The following PCLO variants were observed in gnomAD, a reference collection of about 807,000 sequenced individuals.
The protein encoded by PCLO is protein piccolo.
Under a neutral mutation model 427.5 loss-of-function variants are expected in PCLO, and 82 were observed. That is an observed-to-expected ratio of 0.19 (90% CI 0.16 to 0.23). The LOEUF (loss-of-function observed/expected upper bound fraction) is 0.23. Ranked by LOEUF, PCLO falls within the 10% of genes least tolerant of loss-of-function variation. PCLO has a pLI of 1.00. For synonymous variants in PCLO, 2,357 were observed against 2,155.4 expected (o/e 1.09, Z -2.59); for missense variants, 6,239 against 6,115.9 (o/e 1.02, Z -0.67).
chr7:83,073,760 C>G (rs1789876883), intron 3 of PCLO, among the ~76,000 whole-genome samples: 1 of 151,154 alleles, frequency 6.6e-6, no homozygotes, highest in Non-Finnish European at 1.5e-5. Flanking sequence ...AAAACTAAAG[C>G]TATTAAAAAC....
intron 3 of PCLO, among the ~76,000 whole-genome samples, chr7:83,076,607 T>C: frequency 6.7e-6 from 1 of 148,386 alleles, no homozygotes; most frequent in Middle Eastern, 3.2e-3. Flanking sequence ...ATTTGTTTTC[T>C]GTTTAATGTT....
rs1796067101 is a variant in PCLO, at chr7:82,978,239, G to A, written c.3301-11752C>T. On this transcript the variant is annotated intron_variant, in intron 3 of 24. Transcript: ENST00000333891. ...AATGTATACTCTCTTCACCAGGAAAGTTTTAAATTAAAAAAAAATGTTGTA... is the reference window on the plus strand; with the variant it reads ...AATGTATACTCTCTTCACCAGGAAAATTTTAAATTAAAAAAAAATGTTGTA... Among the ~76,000 whole-genome samples the A allele has an allele frequency of 2.0e-5, 3 of 150,098 alleles. No individual in the cohort carries two copies. The Admixed American group carries it at 2.0e-4, about 10-fold the overall frequency.
rs1440979905 is a variant in PCLO at position 82,953,080 on chromosome 7, G to A, written c.7873C>T (p.Pro2625Ser). The A allele has an allele frequency of 1.3e-5, 21 of 1,613,794 alleles. No individual in the cohort carries two copies. In the Admixed American group the frequency reaches 3.3e-4, roughly 26 times the overall value. ...SVEPVFSVVP[P>S]VTAVEIPISS... ...ATTGGAATTTCTACAGCTGTCACAG[G>A]AGGAACTACAGAAAACACAGGTTCA... The change falls in exon 5 of 25, where the codon CCT becomes TCT. Residue 2625 changes from proline to serine, a missense_variant. Pro to Ser is a moderately conservative substitution (Grantham distance 74). Transcript: ENST00000333891.
At chr7:82,913,288 T>C (rs1663320220) in intron 7 of PCLO, among the ~76,000 whole-genome samples, 1 of 151,926 alleles carries the variant, frequency 6.6e-6, no homozygotes, top group African/African-American at 2.4e-5. Context: ...TTTAGTTCAA[T>C]AAAAAAACTA....
In PCLO at chr7:82,915,679, T is replaced by C. The variant is rs375617662; in HGVS notation, c.12307A>G (p.Arg4103Gly). ...TCCGCCTTCACATAACTATGCAATC[T>C]AGAGGAAGACTGTAAAGGTGCTAGG... ...DFLAPLQSSS[R>G]LHSYVKAEED... The change falls in exon 7 of 25, where the codon AGA (arginine) becomes GGA (glycine). Residue 4103 changes from arginine (R) to glycine (G), a missense_variant. This residue lies in a region of PCLO where 680 missense variants were observed against 677.3 expected (regional missense o/e 1.00). Transcript: ENST00000333891. The C allele has an allele frequency of 2.7e-5, 43 of 1,613,124 alleles. No individual in the cohort carries two copies. The highest frequency in any genetic ancestry group is 3.5e-5 in the Non-Finnish European group (41 of 1,179,518).
chr7:83,059,792 G>C (rs1789498550), intron 3 of PCLO, among the ~76,000 whole-genome samples: 1 of 152,092 alleles, frequency 6.6e-6, no homozygotes, highest in Non-Finnish European at 1.5e-5. Flanking sequence ...TTCCCAATTA[G>C]ATGGAAAGTA....
rs1006304986 is a variant in PCLO at position 82,916,205 on chromosome 7, T to C, written c.11781A>G (p.Thr3927=). 1.2e-6 allele frequency: 2 copies of C among 1,613,616 alleles called. No individual in the cohort carries two copies. The highest frequency in any genetic ancestry group is 1.7e-6 in the Non-Finnish European group (2 of 1,179,700). The part of the protein sequence containing the change: ...QQVSPYQTQP[T]FQAVATMSFT... The stretch of plus-strand genomic sequence containing the variant: ...AGGACATTGTTGCCACAGCTTGGAA[T>C]GTTGGCTGAGTCTGATAAGGTGAAA... The change falls in exon 7 of 25, where the codon ACA becomes ACG. Residue 3927 remains threonine, a synonymous_variant. Transcript: ENST00000333891.
rs757475388 is a variant in PCLO, at chr7:82,953,476, T to C, written c.7477A>G (p.Ile2493Val). The change falls in exon 5 of 25, where the codon ATT becomes GTT. Residue 2493 changes from isoleucine (I) to valine (V), a missense_variant. By Grantham distance (29) the Ile-to-Val change is conservative. Transcript: ENST00000333891. ...TGGGTAAATACAAGTCCAGATGGAA[T>C]TGAAGATGGCTTAGGAGGAACAGGA... is the stretch of plus-strand genomic sequence containing the variant. The part of the protein sequence containing the change: ...PPPVPPKPSS[I>V]PSGLVFTHRP... The C allele has an allele frequency of 3.1e-6, 5 of 1,613,474 alleles. No homozygotes were observed. The highest frequency in any genetic ancestry group is 3.4e-6 in the Non-Finnish European group (4 of 1,179,780).
intron 3 of PCLO, among the ~76,000 whole-genome samples, chr7:83,089,635 AT>A (rs1790327961): frequency 5.3e-5 from 8 of 152,128 alleles, no homozygotes; most frequent in Admixed American, 5.2e-4. Flanking sequence ...TCAACATTTA[AT>A]ATGTCCTTCC....
At chr7:83,071,455 A>G (rs1446293115) in intron 3 of PCLO, among the ~76,000 whole-genome samples, 1 of 152,188 alleles carries the variant, frequency 6.6e-6, no homozygotes, top group Non-Finnish European at 1.5e-5. Context: ...CAGTTTGGAA[A>G]GAGATTTGGT....
chr7:83,076,699 T>G (rs1789963482), intron 3 of PCLO, among the ~76,000 whole-genome samples: 2 of 151,216 alleles, frequency 1.3e-5, no homozygotes, highest in South Asian at 4.1e-4. Context: ...TGCATGTTAG[T>G]TACATATTTT....
At chr7:82,930,904 C>G (rs1001509240) in intron 6 of PCLO, among the ~76,000 whole-genome samples, 66 of 151,954 alleles carry the variant, frequency 4.3e-4, no homozygotes, top group African/African-American at 1.5e-3. Context: ...TATGGAACAC[C>G]ATTGAACAGG....
At chr7:82,974,342 C>T (rs1039216029) in intron 3 of PCLO, among the ~76,000 whole-genome samples, 1 of 152,264 alleles carries the variant, frequency 6.6e-6, no homozygotes, top group Non-Finnish European at 1.5e-5. Flanking sequence ...GTTGAGATCA[C>T]GCCACTGTGT....
chr7:83,048,346 AC>A (rs1369742049), intron 3 of PCLO, among the ~76,000 whole-genome samples: 1 of 152,114 alleles, frequency 6.6e-6, no homozygotes, highest in Non-Finnish European at 1.5e-5. Context: ...CATAGTAAAG[AC>A]AGTACTTTGA....
chr7:83,162,141 C>T (rs1452707178), intron 1 of PCLO, among the ~76,000 whole-genome samples: 3 of 152,220 alleles, frequency 2.0e-5, no homozygotes, highest in Non-Finnish European at 1.5e-5. Context: ...TAACCCTTGA[C>T]TATCCCACCA....
intron 3 of PCLO, among the ~76,000 whole-genome samples, chr7:83,068,164 G>A (rs1339514112): frequency 6.6e-6 from 1 of 152,058 alleles, no homozygotes; most frequent in Non-Finnish European, 1.5e-5. Flanking sequence ...GGTCTTTGCA[G>A]ATGAAGAAAT....
Position 82,857,265 on chromosome 7 carries a change from T to C in PCLO, c.13655-10018A>G, listed in dbSNP as rs117331759. On this transcript the variant is annotated intron_variant, in intron 10 of 24. Transcript: ENST00000333891. Reference sequence around the variant, plus strand: ...GGATTGTGTAGAAATCCACAATTAATTGAATGGACTTAGGAAGCTAGGGTA... The same window carrying C: ...GGATTGTGTAGAAATCCACAATTAACTGAATGGACTTAGGAAGCTAGGGTA... Among the ~76,000 whole-genome samples the C allele has an allele frequency of 1.9e-4, 29 of 152,244 alleles. No individual in the cohort carries two copies. The East Asian group carries it at 5.6e-3, about 29-fold the overall frequency.
At chr7:82,760,838 GAAAGAATTATAACTGT>G (rs1241011555) in intron 23 of PCLO, 54 bp from the exon 24 acceptor site, 27 of 948,336 alleles carry the variant, frequency 2.8e-5, no homozygotes, top group Non-Finnish European at 3.9e-5. Flanking sequence ...AATTTCTATT[GAAAGAATTATAACTGT>G]ATACTGAGAG....
chr7:82,867,029 T>G (rs1016000297), intron 10 of PCLO, among the ~76,000 whole-genome samples: 1 of 152,184 alleles, frequency 6.6e-6, no homozygotes, highest in Non-Finnish European at 1.5e-5. Flanking sequence ...TTTCTTTATT[T>G]CTGTATTTTC....
Sources: allele counts gnomAD v4.1 joint callset (sites outside exome capture counted in the v4.1 genomes callset), GRCh38; gene constraint gnomAD v4.1.1; regional missense constraint gnomAD v4.1.1; transcripts MANE v1.5; gene names NCBI Gene and HGNC (gene_info 2026-07-23, HGNC 2026-07-21).